Variants in HDAC9 observed in about 807,000 individuals in gnomAD.
HDAC9 encodes MEF-2 interacting transcription repressor (MITR) protein.
A neutral mutation model predicts 139.4 loss-of-function variants in HDAC9; 41 were observed. That is an observed-to-expected ratio of 0.29 (90% CI 0.23 to 0.38). HDAC9 has a LOEUF of 0.38. Among genes scored for constraint, HDAC9 ranks in the 10% least tolerant of loss-of-function variants. HDAC9 has a pLI of 1.00. For missense variants in HDAC9, 1,147 were observed against 1,297.0 expected, an observed-to-expected ratio of 0.88 and a Z score of 1.78; for synonymous variants, 517 against 476.2, an observed-to-expected ratio of 1.09 and a Z score of -1.12.
At chr7:18,158,903 G>A (rs141582861) in intron 1 of HDAC9, among the ~76,000 whole-genome samples, 3 of 152,320 alleles carry the variant, frequency 2.0e-5, no homozygotes, top group South Asian at 2.1e-4. Context: ...TTGTTGCTCC[G>A]TGCTACATCT....
chr7:18,254,590 GTT>G (rs1411116692), intron 2 of HDAC9, among the ~76,000 whole-genome samples: 1 of 152,158 alleles, frequency 6.6e-6, no homozygotes, highest in Non-Finnish European at 1.5e-5. Context: ...TAAAATCAAG[GTT>G]TATCTGAGGT....
chr7:18,308,313 G>A (rs1168039996), intron 1 of HDAC9, among the ~76,000 whole-genome samples: 1 of 152,120 alleles, frequency 6.6e-6, no homozygotes, highest in Non-Finnish European at 1.5e-5. Context: ...CACTGTTGTA[G>A]CCTTGTTTCT....
At chr7:18,620,513 C>CTTT (rs199696034) in intron 6 of HDAC9, among the ~76,000 whole-genome samples, 2 of 135,750 alleles carry the variant, frequency 1.5e-5, no homozygotes, top group Admixed American at 7.5e-5. Flanking sequence ...CTGAGTGGTA[C>CTTT]TTTTTTTTTT....
intron 1 of HDAC9, among the ~76,000 whole-genome samples, chr7:18,338,388 A>G (rs1781741963): frequency 6.6e-6 from 1 of 151,600 alleles, no homozygotes; most frequent in South Asian, 2.1e-4. Context: ...TTTTTCCTTA[A>G]TGTTTTCTTA....
rs537033538 is a variant in HDAC9 at position 18,221,106 on chromosome 7, C to CTTTTTTTTTTTTTT, written c.25+58770_25+58771insTTTTTTTTTTTTTT. On this transcript the variant is annotated intron_variant, in intron 2 of 12. Coordinates refer to the HDAC9 transcript ENST00000417496. ...TCTATAATATTTTGCATTTCTATTC[C>CTTTTTTTTTTTTTT]TTTTTTTTTTTTTGTGACGGAGTTT... Among the ~76,000 whole-genome samples, 396 of 139,390 alleles carry CTTTTTTTTTTTTTT rather than the reference C, an allele frequency of 2.8e-3. 6 individuals carry two copies. The highest frequency in any genetic ancestry group is 0.01 in the African/African-American group (366 of 36,176). The allele number at this position is 139,390 out of a possible 152,430, so 91.4% of individuals were successfully genotyped here. A position where few individuals can be genotyped will look rare whatever the true frequency, so the allele number is the denominator to read the frequency against.
intron 24 of HDAC9, among the ~76,000 whole-genome samples, chr7:18,964,537 G>T (rs1783727038): frequency 6.6e-6 from 1 of 152,118 alleles, no homozygotes; most frequent in African/African-American, 2.4e-5. Context: ...AAATCGAAAA[G>T]TAAGAGTATA....
intron 2 of HDAC9, among the ~76,000 whole-genome samples, chr7:18,253,996 T>C (rs1355216466): frequency 1.3e-5 from 2 of 152,092 alleles, no homozygotes; most frequent in Non-Finnish European, 2.9e-5. Flanking sequence ...GAAAACAGAG[T>C]TTTGAAACAT....
At chr7:18,174,301 G>C (rs1788702979) in intron 2 of HDAC9, among the ~76,000 whole-genome samples, 1 of 152,110 alleles carries the variant, frequency 6.6e-6, no homozygotes, top group Non-Finnish European at 1.5e-5. Flanking sequence ...AGCTCCATCA[G>C]GTCATTTAAG....
At chr7:18,731,477 T>G (rs924271112) in intron 13 of HDAC9, among the ~76,000 whole-genome samples, 1 of 152,170 alleles carries the variant, frequency 6.6e-6, no homozygotes, top group African/African-American at 2.4e-5. Context: ...CACAGCCCAC[T>G]GGATTAGGCA....
Position 18,413,060 on chromosome 7 carries a change from G to A in HDAC9, c.-41-83202G>A, listed in dbSNP as rs201008644. ...GTAAATTGTAAAATTTCTCTGTCAA[G>A]GATGTCTACCTACTAAAATTTCATT... On this transcript the variant is annotated intron_variant, in intron 1 of 3. Coordinates refer to the HDAC9 transcript ENST00000413509. Among the ~76,000 whole-genome samples the A allele has an allele frequency of 1.3e-4, 20 of 152,204 alleles. No individual in the cohort carries two copies. The East Asian group carries it at 1.7e-3, about 13-fold the overall frequency.
intron 6 of HDAC9, among the ~76,000 whole-genome samples, chr7:18,601,182 C>T (rs890442856): frequency 6.6e-6 from 1 of 152,126 alleles, no homozygotes; most frequent in East Asian, 1.9e-4. Context: ...CATTTACATC[C>T]TCTACATAAT....
intron 1 of HDAC9, among the ~76,000 whole-genome samples, chr7:18,373,189 G>C (rs1237288928): frequency 6.6e-6 from 1 of 152,150 alleles, no homozygotes; most frequent in Non-Finnish European, 1.5e-5. Context: ...TAAGTCTACT[G>C]TAAGTATACT....
intron 1 of HDAC9, among the ~76,000 whole-genome samples, chr7:18,399,555 C>T (rs1338910874): frequency 6.6e-6 from 1 of 152,132 alleles, no homozygotes; most frequent in Non-Finnish European, 1.5e-5. Context: ...TAGTAATAGG[C>T]TAAATGAGGC....
chr7:18,332,634 G>A (rs912236739), intron 1 of HDAC9, among the ~76,000 whole-genome samples: 45 of 151,604 alleles, frequency 3.0e-4, no homozygotes, highest in Non-Finnish European at 1.5e-4. Flanking sequence ...CAGTCAAGCC[G>A]TTGAGCTGCT....
At chr7:18,481,380 C>T (rs986196975) in intron 1 of HDAC9, among the ~76,000 whole-genome samples, 8 of 152,176 alleles carry the variant, frequency 5.3e-5, no homozygotes, top group Admixed American at 1.3e-4. Context: ...TGTACTGTTA[C>T]AGGTCTAATG....
intron 24 of HDAC9, among the ~76,000 whole-genome samples, chr7:18,962,147 A>T (rs1783565877): frequency 6.6e-6 from 1 of 152,154 alleles, no homozygotes; most frequent in African/African-American, 2.4e-5. Context: ...GGATTGGCAG[A>T]ATTTCAAATC....
At chr7:18,247,693 CT>C (rs1794646210) in intron 2 of HDAC9, among the ~76,000 whole-genome samples, 1 of 152,136 alleles carries the variant, frequency 6.6e-6, no homozygotes, top group Admixed American at 6.6e-5. Flanking sequence ...ATAGTTAATT[CT>C]GGTGAGTGAT....
chr7:18,685,409 C>A (rs888612024), intron 12 of HDAC9, among the ~76,000 whole-genome samples: 12 of 151,792 alleles, frequency 7.9e-5, no homozygotes, highest in Non-Finnish European at 1.5e-4. Flanking sequence ...GTGTTCTATG[C>A]CTCAGTTTCC....
At chr7:18,641,585 A>T (rs1210446589) in intron 8 of HDAC9, among the ~76,000 whole-genome samples, 1 of 152,100 alleles carries the variant, frequency 6.6e-6, no homozygotes, top group South Asian at 2.1e-4. Context: ...CACAATAAAA[A>T]TCTTTGGTTC....
Sources: allele counts gnomAD v4.1 joint callset (sites outside exome capture counted in the v4.1 genomes callset), GRCh38; gene constraint gnomAD v4.1.1; transcripts MANE v1.5; gene names NCBI Gene and HGNC (gene_info 2026-07-23, HGNC 2026-07-21).